HUWE1: variants seen among roughly 807,000 people sequenced by gnomAD.
HUWE1 encodes the protein E3 ubiquitin-protein ligase HUWE1.
In HUWE1, 18 loss-of-function variants were observed where a neutral mutation model predicts 299.4. The ratio of observed to expected loss-of-function variants is 0.06; its 90% confidence interval spans 0.04 to 0.09. The LOEUF is 0.09. Among genes scored for constraint, HUWE1 ranks in the 10% least tolerant of loss-of-function variants. HUWE1 has a pLI of 1.00. For missense variants in HUWE1, 1,832 were observed against 3,462.3 expected (o/e 0.53, Z 11.82); for synonymous variants, 1,317 against 1,286.1 (o/e 1.02, Z -0.51).
At chrX:53,663,771 C>T (rs1356524011) in intron 3 of HUWE1, among the ~76,000 whole-genome samples, 2 of 109,818 alleles carry the variant, frequency 1.8e-5, no homozygotes, top group Admixed American at 9.7e-5. Flanking sequence ...AATCTTCTCC[C>T]GAACCCCTCA....
At chrX:53,660,319 A>G (rs2068936605) in intron 3 of HUWE1, among the ~76,000 whole-genome samples, 1 of 112,123 alleles carries the variant, frequency 8.9e-6, no homozygotes, top group South Asian at 3.7e-4. Context: ...CTAGACTCTA[A>G]GTCCCAAGTG....
chrX:53,651,282 C>CA (rs1317602958), intron 4 of HUWE1, among the ~76,000 whole-genome samples: 1 of 111,043 alleles, frequency 9.0e-6, no homozygotes, highest in Non-Finnish European at 1.9e-5. Context: ...ACATATCCAT[C>CA]ACCTCCAAGT....
At chrX:53,638,037 TAA>T (rs1226988906) in intron 7 of HUWE1, among the ~76,000 whole-genome samples, 1 of 111,448 alleles carries the variant, frequency 9.0e-6, no homozygotes, top group Non-Finnish European at 1.9e-5. Context: ...TGTTTTTATT[TAA>T]AAAAACGAAC....
At chrX:53,596,280 G>A (rs1442856217) in intron 29 of HUWE1, among the ~76,000 whole-genome samples, 1 of 110,863 alleles carries the variant, frequency 9.0e-6, no homozygotes, top group African/African-American at 3.3e-5. Context: ...TGAAAATTTT[G>A]GAGATTGGTG....
intron 3 of HUWE1, among the ~76,000 whole-genome samples, chrX:53,659,831 G>A (rs2068914395): frequency 9.0e-6 from 1 of 111,687 alleles, no homozygotes; most frequent in African/African-American, 3.3e-5. Flanking sequence ...GCTCGATTTT[G>A]CTGGGAATGT....
At chrX:53,615,313 C>T (rs2065738849) in intron 22 of HUWE1, among the ~76,000 whole-genome samples, 1 of 109,200 alleles carries the variant, frequency 9.2e-6, no homozygotes. Flanking sequence ...CTACAACCTC[C>T]GCCTCCCGAG....
chrX:53,606,760 A>G (rs1476235902), intron 25 of HUWE1, among the ~76,000 whole-genome samples: 2 of 111,788 alleles, frequency 1.8e-5, no homozygotes, highest in Non-Finnish European at 3.8e-5. Flanking sequence ...CACTTATATA[A>G]GGTACCTAGA....
Position 53,560,504 on chromosome X carries a change from T to C in HUWE1, c.7508-88A>G, listed in dbSNP as rs891039314. 9 of 801,159 alleles carry C rather than the reference T, an allele frequency of 1.1e-5. No homozygotes were observed. In the Admixed American group the frequency reaches 1.5e-4, roughly 13 times the overall value. 66.0% of individuals were successfully genotyped at this position (801,159 alleles called of 1,213,427 possible). ...CAGAATCATGTCTCCTGGGCCTTAC[T>C]TCCTCACACGGAAACCTGAGCTTTG... On this transcript the variant is annotated intron_variant, in intron 55 of 83. Coordinates refer to ENST00000262854, the MANE Select transcript of HUWE1 (RefSeq NM_031407.7).
In HUWE1 at chrX:53,547,697, T is replaced by G; in HGVS notation, c.10612A>C (p.Thr3538Pro). 1 of 1,209,227 alleles carries G rather than the reference T, an allele frequency of 8.3e-7. No individual in the cohort carries two copies. Among genetic ancestry groups the G allele is most frequent in the Non-Finnish European group, 1.1e-6 (1 of 894,103 alleles). ...VAASTTVTTP[T>P]TATTTVSISP... Reference sequence around the variant, plus strand: ...CTTGAAACAGTAGTGGTAGCAGTCGTGGGGGTAGTCACTGTGGTCGAAGCA... The same window carrying G: ...CTTGAAACAGTAGTGGTAGCAGTCGGGGGGGTAGTCACTGTGGTCGAAGCA... The change falls in exon 68 of 84, where the codon ACG (threonine) becomes CCG (proline). Residue 3538 changes from threonine to proline, a missense_variant. By Grantham distance (38) the Thr-to-Pro change is conservative (BLOSUM62 -1). Transcript: ENST00000262854.
At chrX:53,683,726 C>G (rs948305991) in intron 2 of HUWE1, 1 of 275,976 alleles carries the variant, frequency 3.6e-6, no homozygotes. Flanking sequence ...ACCTCCTTAA[C>G]GCTGGGCACC....
At chrX:53,556,176 A>C in intron 60 of HUWE1, 1 of 342,699 alleles carries the variant, frequency 2.9e-6, no homozygotes, top group Non-Finnish European at 5.9e-6. Context: ...TATCCAAGGA[A>C]CATCTACAAC....
In HUWE1 at chrX:53,647,217, T is replaced by A. The variant is rs781992365; in HGVS notation, c.351+151A>T. On this transcript the variant is annotated intron_variant, in intron 6 of 83. Transcript: ENST00000262854. ...AACCCTATGAAGGATAGTATCTATATCCAAGAAACATTCTACTATTATCTT... is the reference window on the plus strand; with the variant it reads ...AACCCTATGAAGGATAGTATCTATAACCAAGAAACATTCTACTATTATCTT... 1.8e-5 allele frequency: 9 copies of A among 505,563 alleles called. No individual in the cohort carries two copies. In the East Asian group the frequency reaches 1.8e-4, roughly 10 times the overall value. The allele number at this position is 505,563 out of a possible 1,213,427, so 41.7% of individuals were successfully genotyped here. A position where few individuals can be genotyped will look rare whatever the true frequency, so the allele number is the denominator to read the frequency against.
intron 60 of HUWE1, chrX:53,556,120 A>C (rs965892153): frequency 2.0e-4 from 65 of 327,396 alleles, no homozygotes; most frequent in Admixed American, 1.1e-3. Context: ...GCCTCACCCT[A>C]AACACCATCT....
At chrX:53,613,173 G>T (rs1557004012) in intron 23 of HUWE1, among the ~76,000 whole-genome samples, 3 of 111,525 alleles carry the variant, frequency 2.7e-5, no homozygotes, top group African/African-American at 9.8e-5. Context: ...GAGAACAAAA[G>T]ATACTGCTAG....
At chrX:53,577,204 A>G (rs2063148654) in intron 43 of HUWE1, 137 bp from the exon 44 acceptor site, 1 of 510,676 alleles carries the variant, frequency 2.0e-6, no homozygotes. Context: ...ATGTTCAAGT[A>G]CTCTACTATA....
rs1213430665 is a variant in HUWE1 at position 53,577,148 on chromosome X, G to A, written c.5717-81C>T. The A allele has an allele frequency of 1.1e-5, 8 of 728,493 alleles. No homozygotes were observed. In the Admixed American group the frequency reaches 1.8e-4, roughly 16 times the overall value. The allele number at this position is 728,493 out of a possible 1,213,427, so 60.0% of individuals were successfully genotyped here. On this transcript the variant is annotated intron_variant, in intron 43 of 83. Coordinates refer to ENST00000262854, the MANE Select transcript of HUWE1 (RefSeq NM_031407.7). ...GTTACTAATAAAGACTCAGAAGGGGGCATGTATGATATAGAAGGCTTGAGA... is the reference window on the plus strand; with the variant it reads ...GTTACTAATAAAGACTCAGAAGGGGACATGTATGATATAGAAGGCTTGAGA...
At chrX:53,648,117 G>GCTATC in intron 5 of HUWE1, 95 bp downstream of exon 5, 1 of 584,958 alleles carries the variant, frequency 1.7e-6, no homozygotes, top group Non-Finnish European at 3.0e-6. Flanking sequence ...GCTGAATGAG[G>GCTATC]CTATCCCATT....
chrX:53,539,886 C>A, intron 74 of HUWE1, 74 bp from the exon 75 acceptor site: 1 of 999,766 alleles, frequency 1.0e-6, no homozygotes. Flanking sequence ...AGACCACACG[C>A]ACCAACTAAT....
At chrX:53,636,252 C>T (rs782818486) in intron 7 of HUWE1, among the ~76,000 whole-genome samples, 41 of 112,712 alleles carry the variant, frequency 3.6e-4, no homozygotes, top group African/African-American at 1.2e-3. Context: ...GTGAAAATGG[C>T]AGAATGGGGA....
Sources: allele counts gnomAD v4.1 joint callset (sites outside exome capture counted in the v4.1 genomes callset), GRCh38; gene constraint gnomAD v4.1.1; transcripts MANE v1.5; gene names NCBI Gene and HGNC (gene_info 2026-07-23, HGNC 2026-07-21).